SIK3: variants seen among roughly 807,000 people sequenced by gnomAD.
The protein encoded by SIK3 is SIK family kinase 3, also known as serine/threonine-protein kinase SIK3.
Under a neutral mutation model 144.2 loss-of-function variants are expected in SIK3, and 28 were observed. That is an observed-to-expected ratio of 0.19 (90% CI 0.14 to 0.27). The LOEUF is 0.27. Among genes scored for constraint, SIK3 ranks in the 10% least tolerant of loss-of-function variants. The pLI, the probability that SIK3 is intolerant of heterozygous loss-of-function variation, is 1.00. For synonymous variants in SIK3, 686 were observed against 676.3 expected (o/e 1.01, Z -0.22); for missense variants, 1,319 against 1,776.0 (o/e 0.74, Z 4.62).
At chr11:117,082,693 T>C (rs1383608214) in intron 1 of SIK3, among the ~76,000 whole-genome samples, 1 of 152,180 alleles carries the variant, frequency 6.6e-6, no homozygotes, top group Non-Finnish European at 1.5e-5. Context: ...TGTTCTAAAA[T>C]GTATTATAGT....
intron 1 of SIK3, among the ~76,000 whole-genome samples, chr11:116,973,603 G>C (rs992379165): frequency 1.3e-5 from 2 of 152,082 alleles, no homozygotes; most frequent in African/African-American, 4.8e-5. Flanking sequence ...ATTATGAAAG[G>C]GGGGGAAAGA....
intron 2 of SIK3, 49 bp from the exon 3 acceptor site, chr11:116,954,156 G>T: frequency 6.8e-7 from 1 of 1,464,238 alleles, no homozygotes; most frequent in Non-Finnish European, 9.6e-7. Context: ...ATGACAGGCT[G>T]ATACAGGAAG....
At chr11:117,037,174 A>G (rs1316501346) in intron 1 of SIK3, among the ~76,000 whole-genome samples, 2 of 152,164 alleles carry the variant, frequency 1.3e-5, no homozygotes, top group African/African-American at 2.4e-5. Flanking sequence ...CTGCTGCAAA[A>G]AAGGGAAAAA....
At chr11:117,055,401 TC>T (rs1434414078) in intron 1 of SIK3, among the ~76,000 whole-genome samples, 1 of 152,198 alleles carries the variant, frequency 6.6e-6, no homozygotes, top group African/African-American at 2.4e-5. Context: ...AGCTCTAGTC[TC>T]CCCACTCTTA....
intron 21 of SIK3, among the ~76,000 whole-genome samples, chr11:116,854,642 T>C (rs1411242738): frequency 1.3e-5 from 2 of 152,176 alleles, no homozygotes; most frequent in Non-Finnish European, 2.9e-5. Context: ...CAGCAGGCAT[T>C]CCTTCCTGGC....
chr11:116,918,940 T>C (rs578221210), intron 4 of SIK3, among the ~76,000 whole-genome samples: 1 of 152,204 alleles, frequency 6.6e-6, no homozygotes, highest in Non-Finnish European at 1.5e-5. Flanking sequence ...AATGGTCATA[T>C]GCCATTTCAG....
At chr11:117,024,877 G>A (rs1292439700) in intron 1 of SIK3, among the ~76,000 whole-genome samples, 1 of 151,824 alleles carries the variant, frequency 6.6e-6, no homozygotes, top group Non-Finnish European at 1.5e-5. Flanking sequence ...ACTCTAGCCT[G>A]AGTGACAGAG....
intron 15 of SIK3, chr11:116,864,274 T>C (rs1943509807): frequency 6.5e-6 from 1 of 153,970 alleles, no homozygotes; most frequent in African/African-American, 2.4e-5. Context: ...ACAGTCAGTT[T>C]TGTGGTCAAA....
At chr11:117,033,386 C>A (rs566200297) in intron 1 of SIK3, among the ~76,000 whole-genome samples, 1 of 152,110 alleles carries the variant, frequency 6.6e-6, no homozygotes, top group East Asian at 1.9e-4. Context: ...AAAATTATTA[C>A]CCTCAATGAA....
intron 1 of SIK3, among the ~76,000 whole-genome samples, chr11:117,031,908 T>C (rs183991100): frequency 2.0e-5 from 3 of 152,184 alleles, no homozygotes; most frequent in East Asian, 3.9e-4. Flanking sequence ...TACAACTTTG[T>C]GAATATAATA....
chr11:117,092,793 T>A (rs1318177711), intron 1 of SIK3, among the ~76,000 whole-genome samples: 5 of 152,220 alleles, frequency 3.3e-5, no homozygotes, highest in African/African-American at 1.2e-4. Flanking sequence ...CATTTTGTTC[T>A]CTTTTACGCG....
chr11:117,001,388 C>G (rs1950843275), intron 1 of SIK3, among the ~76,000 whole-genome samples: 1 of 152,170 alleles, frequency 6.6e-6, no homozygotes, highest in African/African-American at 2.4e-5. Flanking sequence ...CACCTATATT[C>G]CCAGCTACTT....
At chr11:117,025,235 G>GA (rs1466120732) in intron 1 of SIK3, among the ~76,000 whole-genome samples, 2 of 152,018 alleles carry the variant, frequency 1.3e-5, no homozygotes, top group African/African-American at 4.8e-5. Context: ...AATGTAGCTT[G>GA]AAAAAAATCA....
chr11:116,863,706 T>C lies in SIK3; in HGVS notation c.2065A>G (p.Lys689Glu). 6.2e-7 allele frequency: 1 copy of C among 1,614,230 alleles called. No individual in the cohort carries two copies. Among genetic ancestry groups the C allele is most frequent in the Non-Finnish European group, 8.5e-7 (1 of 1,180,032 alleles). The change falls in exon 16 of 25, where the codon AAA becomes GAA. Residue 689 changes from lysine to glutamate, a missense_variant. Lys to Glu is a moderately conservative substitution (Grantham distance 56, BLOSUM62 1). Coordinates refer to ENST00000445177, the MANE Select transcript of SIK3 (RefSeq NM_001366686.3). The stretch of plus-strand genomic sequence containing the variant: ...TTGATGCTGCTGTTGTTGCCCATTT[T>C]TTCCAGGTGAGCTTTGAAGGCCTGG... ...SIQAFKAHLE[K>E]MGNNSSIKQL...
intron 3 of SIK3, among the ~76,000 whole-genome samples, chr11:116,937,825 C>T (rs1038969394): frequency 6.6e-6 from 1 of 152,176 alleles, no homozygotes; most frequent in South Asian, 2.1e-4. Flanking sequence ...GCTCTGTCCC[C>T]TCCTCTAAGC....
Position 116,858,853 on chromosome 11 carries a change from A to C in SIK3, c.2766-154T>G, listed in dbSNP as rs1943145881. Among the ~76,000 whole-genome samples the C allele has an allele frequency of 6.6e-6, 1 of 152,110 alleles. No individual in the cohort carries two copies. The highest frequency in any genetic ancestry group is 2.1e-4 in the South Asian group (1 of 4,822). On this transcript the variant is annotated intron_variant, in intron 20 of 24. Transcript: ENST00000445177. This position sits in a 1 kb window ranked among gnomAD's most constrained non-coding sequence, Gnocchi z 5.4. ...TGTATGCATTGTCCCTATTTATTCC[A>C]TTACTGGCTTGTCCAGTAACCTCCA...
At chr11:117,003,603 C>A (rs2135628246) in intron 1 of SIK3, among the ~76,000 whole-genome samples, 1 of 152,138 alleles carries the variant, frequency 6.6e-6, no homozygotes, top group African/African-American at 2.4e-5. Flanking sequence ...ACAAGGTAGG[C>A]AACAAAGCGA....
chr11:116,952,113 C>A (rs563028087), intron 3 of SIK3, among the ~76,000 whole-genome samples: 8 of 151,882 alleles, frequency 5.3e-5, no homozygotes, highest in Non-Finnish European at 1.0e-4. Context: ...CAATAAATGT[C>A]GTTCTATGAA....
intron 8 of SIK3, 27 bp from the exon 9 acceptor site, chr11:116,876,036 C>G: frequency 1.2e-6 from 2 of 1,612,150 alleles, no homozygotes; most frequent in Non-Finnish European, 1.7e-6. Context: ...GAAAAGAGTA[C>G]AAAACCCTGG....
Sources: allele counts gnomAD v4.1 joint callset (sites outside exome capture counted in the v4.1 genomes callset), GRCh38; gene constraint gnomAD v4.1.1; non-coding constraint Gnocchi (gnomAD v3.1); transcripts MANE v1.5; gene names NCBI Gene and HGNC (gene_info 2026-07-23, HGNC 2026-07-21).